Variants in AGBL1 observed in about 807,000 individuals in gnomAD.
AGBL1 encodes AGBL carboxypeptidase 1.
In AGBL1, 130 loss-of-function variants were observed where a neutral mutation model predicts 118.9. That is an observed-to-expected ratio of 1.09 (90% CI 0.95 to 1.26). The LOEUF (loss-of-function observed/expected upper bound fraction) is 1.26, where lower values mean the gene tolerates loss of function less well. AGBL1 is among the 50% of genes most tolerant of loss of function. AGBL1 has a pLI of 0.00. For missense variants in AGBL1, 1,584 were observed against 1,298.1 expected (o/e 1.22, Z -3.38); for synonymous variants, 555 against 478.9 (o/e 1.16, Z -2.08).
chr15:86,737,727 T>C (rs1159404892), intron 22 of AGBL1, among the ~76,000 whole-genome samples: 1 of 152,132 alleles, frequency 6.6e-6, no homozygotes, highest in Non-Finnish European at 1.5e-5. Context: ...TTTATAATAT[T>C]CCATAAGGGA....
intron 21 of AGBL1, among the ~76,000 whole-genome samples, chr15:86,557,884 A>T (rs2083757453): frequency 6.6e-6 from 1 of 152,164 alleles, no homozygotes; most frequent in African/African-American, 2.4e-5. Flanking sequence ...GTCCTTGGGT[A>T]AGTAGAAAAA....
chr15:86,208,411 G>C (rs4887412), intron 5 of AGBL1, among the ~76,000 whole-genome samples: 83,364 of 151,974 alleles, frequency 0.55, 23,142 homozygotes, highest in South Asian at 0.74. Context: ...GCTCCTCTTT[G>C]TACCTCTGGT....
chr15:86,671,860 T>A (rs1236775179), intron 21 of AGBL1, among the ~76,000 whole-genome samples: 2 of 151,836 alleles, frequency 1.3e-5, no homozygotes, highest in Admixed American at 6.6e-5. Context: ...GGATATGACA[T>A]TTGACAGGTA....
Position 86,779,673 on chromosome 15 carries a change from A to G in AGBL1, c.3158+105237A>G, listed in dbSNP as rs540161176. Reference sequence around the variant, plus strand: ...ATGGAGAATTCTGATGATCCACATTACCAACCATTTGTATCTCTTTTCTTT... The same window carrying G: ...ATGGAGAATTCTGATGATCCACATTGCCAACCATTTGTATCTCTTTTCTTT... On this transcript the variant is annotated intron_variant, in intron 22 of 22. Transcript: ENST00000614907. Among the ~76,000 whole-genome samples, 82 of 152,304 alleles carry G rather than the reference A, an allele frequency of 5.4e-4. 1 individual carries two copies. Among genetic ancestry groups the G allele is most frequent in the African/African-American group, 1.8e-3 (75 of 41,576 alleles).
At chr15:86,625,797 A>G (rs2084878243) in intron 21 of AGBL1, among the ~76,000 whole-genome samples, 1 of 152,142 alleles carries the variant, frequency 6.6e-6, no homozygotes, top group Non-Finnish European at 1.5e-5. Flanking sequence ...GCAGCAAAAG[A>G]CATGCAACCC....
chr15:86,227,582 G>A (rs1159724766), intron 6 of AGBL1, among the ~76,000 whole-genome samples: 2 of 152,238 alleles, frequency 1.3e-5, no homozygotes, highest in Non-Finnish European at 2.9e-5. Context: ...CCCCCATGGG[G>A]GGTGGACAGT....
intron 22 of AGBL1, among the ~76,000 whole-genome samples, chr15:86,839,598 C>T (rs924205798): frequency 6.6e-6 from 1 of 152,168 alleles, no homozygotes; most frequent in East Asian, 1.9e-4. Flanking sequence ...AGCAGTATCC[C>T]TGGCCTCTTC....
chr15:86,796,240 G>A (rs189852114), intron 22 of AGBL1, among the ~76,000 whole-genome samples: 58 of 152,296 alleles, frequency 3.8e-4, no homozygotes, highest in African/African-American at 1.4e-3. Flanking sequence ...GAAAAGTGAA[G>A]AGATGAGTTG....
intron 18 of AGBL1, among the ~76,000 whole-genome samples, chr15:86,448,245 T>C (rs534472908): frequency 2.1e-4 from 32 of 152,260 alleles, no homozygotes; most frequent in Admixed American, 2.0e-3. Flanking sequence ...GCCAGAGATG[T>C]AGAGGAGGTA....
chr15:86,984,557 G>T (rs1483481537), intron 23 of AGBL1, among the ~76,000 whole-genome samples: 1 of 151,794 alleles, frequency 6.6e-6, no homozygotes, highest in Non-Finnish European at 1.5e-5. Flanking sequence ...GTAGAGACAG[G>T]GTTTCACCAT....
intron 22 of AGBL1, among the ~76,000 whole-genome samples, chr15:86,825,649 AGGAAG>A (rs1254157160): frequency 7.4e-6 from 1 of 135,538 alleles, no homozygotes; most frequent in East Asian, 2.6e-4. Flanking sequence ...AAGGAAAGAA[AGGAAG>A]GGAAGGGAAA....
intron 21 of AGBL1, among the ~76,000 whole-genome samples, chr15:86,629,850 A>G: frequency 6.6e-6 from 1 of 152,216 alleles, no homozygotes; most frequent in East Asian, 1.9e-4. Context: ...GGAAAAAAAG[A>G]GAAAGAAGAA....
chr15:86,301,704 G>A (rs919684932), intron 17 of AGBL1, among the ~76,000 whole-genome samples: 30 of 146,450 alleles, frequency 2.0e-4, no homozygotes, highest in Middle Eastern at 3.5e-3. Context: ...GATGTCAAAC[G>A]GGTCATTATA....
At chr15:86,550,122 T>C (rs1345295981) in intron 20 of AGBL1, among the ~76,000 whole-genome samples, 1 of 151,948 alleles carries the variant, frequency 6.6e-6, no homozygotes, top group African/African-American at 2.4e-5. Flanking sequence ...GCATAAAGCA[T>C]ATCAACCAAC....
At chr15:86,236,932 C>G (rs1232102054) in intron 6 of AGBL1, among the ~76,000 whole-genome samples, 2 of 9,386 alleles carry the variant, frequency 2.1e-4, no homozygotes, top group South Asian at 3.5e-3. Flanking sequence ...GATATGTGGG[C>G]GGGGGGGGGC....
intron 23 of AGBL1, among the ~76,000 whole-genome samples, chr15:86,966,612 G>C (rs1234287825): frequency 6.6e-6 from 1 of 152,028 alleles, no homozygotes; most frequent in African/African-American, 2.4e-5. Flanking sequence ...TGCTGAGAAT[G>C]ATGGTTTCCA....
At chr15:86,338,462 T>A (rs1343030795) in intron 17 of AGBL1, among the ~76,000 whole-genome samples, 2 of 151,892 alleles carry the variant, frequency 1.3e-5, no homozygotes, top group East Asian at 1.9e-4. Context: ...GGTAGAAGAG[T>A]GATACGTTAT....
At chr15:86,101,319 A>C (rs1896700496) in intron 1 of AGBL1, among the ~76,000 whole-genome samples, 1 of 152,144 alleles carries the variant, frequency 6.6e-6, no homozygotes, top group African/African-American at 2.4e-5. Context: ...AATGAGAAGA[A>C]AGTATATTCT....
intron 1 of AGBL1, among the ~76,000 whole-genome samples, chr15:86,116,062 G>A (rs185552081): frequency 7.9e-5 from 12 of 152,258 alleles, no homozygotes; most frequent in African/African-American, 2.4e-4. Context: ...AAAATTGACT[G>A]TATCACTAAA....
Sources: gnomAD v4.1 joint callset for allele counts (sites outside exome capture counted in the v4.1 genomes callset) on GRCh38, gnomAD v4.1.1 for gene constraint, MANE v1.5 for transcripts, NCBI Gene and HGNC (gene_info 2026-07-23, HGNC 2026-07-21) for gene names.